Variants in SEMA5A observed in about 807,000 individuals in gnomAD.
SEMA5A encodes semaphorin 5A, also known as semaphorin-5A.
Under a neutral mutation model 135.5 loss-of-function variants are expected in SEMA5A, and 55 were observed. The ratio of observed to expected loss-of-function variants is 0.41; its 90% CI spans 0.33 to 0.51. The LOEUF is 0.51. Ranked by LOEUF, SEMA5A falls within the 20% of genes least tolerant of loss-of-function variation. The probability of loss-of-function intolerance (pLI) is 0.37; values close to 1 mark genes in which losing one functional copy is unlikely to be tolerated. For missense variants in SEMA5A, 1,290 were observed against 1,419.9 expected (o/e 0.91, Z 1.47); for synonymous variants, 580 against 546.5 (o/e 1.06, Z -0.85).
At chr5:9,249,650 T>C (rs1748669841) in intron 5 of SEMA5A, among the ~76,000 whole-genome samples, 2 of 152,176 alleles carry the variant, frequency 1.3e-5, no homozygotes, top group South Asian at 2.1e-4. Flanking sequence ...ATGTAGTTGT[T>C]GATATAAAAG....
intron 8 of SEMA5A, among the ~76,000 whole-genome samples, chr5:9,208,277 C>T (rs1484882512): frequency 6.6e-6 from 1 of 152,180 alleles, no homozygotes; most frequent in East Asian, 1.9e-4. Context: ...TTAAGATCTA[C>T]ACTTATTCCA....
At chr5:9,315,109 A>G (rs1752333749) in intron 5 of SEMA5A, among the ~76,000 whole-genome samples, 1 of 152,114 alleles carries the variant, frequency 6.6e-6, no homozygotes, top group African/African-American at 2.4e-5. Context: ...ACATCTCCTC[A>G]CTTTTTTGCA....
chr5:9,133,130 T>C (rs1405846798), intron 13 of SEMA5A, among the ~76,000 whole-genome samples: 1 of 152,238 alleles, frequency 6.6e-6, no homozygotes, highest in Non-Finnish European at 1.5e-5. Flanking sequence ...ATGATAGATT[T>C]GCCCAATAAA....
intron 3 of SEMA5A, among the ~76,000 whole-genome samples, chr5:9,374,782 T>A (rs1261945196): frequency 6.6e-6 from 1 of 152,110 alleles, no homozygotes; most frequent in Non-Finnish European, 1.5e-5. Flanking sequence ...CAGGAACTCC[T>A]TCCTCTCCCG....
chr5:9,251,713 T>C (rs1433779053), intron 5 of SEMA5A, among the ~76,000 whole-genome samples: 2 of 152,062 alleles, frequency 1.3e-5, no homozygotes, highest in African/African-American at 2.4e-5. Flanking sequence ...AATCAGACAA[T>C]GTGTGACAGT....
Position 9,119,007 on chromosome 5 carries a change from C to T in SEMA5A, c.1916G>A (p.Arg639His), listed in dbSNP as rs1400478141. Residue 639 changes from arginine to histidine, a missense_variant, in exon 15 of 23, where the codon CGC becomes CAC. By Grantham distance (29) the Arg-to-His change is conservative. Coordinates refer to ENST00000382496, the MANE Select transcript of SEMA5A (RefSeq NM_003966.3). ...CAGGGTGGGCACGTACCTTTCCTCG[C>T]GGTTCTGTCCCACGCACACCCGGCC... Reference protein sequence around the residue: ...HGGRVCVGQNREERYCNEHLL... With the variant: ...HGGRVCVGQNHEERYCNEHLL... The T allele has an allele frequency of 4.3e-6, 7 of 1,613,100 alleles. No homozygotes were observed. The highest frequency in any genetic ancestry group is 5.9e-6 in the Non-Finnish European group (7 of 1,179,664).
chr5:9,237,917 G>A, intron 5 of SEMA5A, 27 bp from the exon 6 acceptor site: 3 of 1,608,554 alleles, frequency 1.9e-6, no homozygotes, highest in Non-Finnish European at 2.6e-6. Flanking sequence ...AACAATAGCA[G>A]TCATGGTTTT....
intron 1 of SEMA5A, among the ~76,000 whole-genome samples, chr5:9,507,892 T>C (rs1406032569): frequency 6.6e-6 from 1 of 151,784 alleles, no homozygotes; most frequent in African/African-American, 2.4e-5. Flanking sequence ...TAGTCCCAGC[T>C]ACTCGGGAGG....
intron 12 of SEMA5A, among the ~76,000 whole-genome samples, chr5:9,144,902 G>T (rs1742251456): frequency 6.6e-6 from 1 of 152,162 alleles, no homozygotes; most frequent in African/African-American, 2.4e-5. Context: ...ACATGAAGTT[G>T]TTTGAAGGCA....
intron 5 of SEMA5A, among the ~76,000 whole-genome samples, chr5:9,291,359 G>C (rs940248446): frequency 5.3e-5 from 8 of 152,130 alleles, no homozygotes; most frequent in Non-Finnish European, 1.2e-4. Flanking sequence ...TACCACCTTG[G>C]ATTCTGGAAA....
intron 16 of SEMA5A, among the ~76,000 whole-genome samples, chr5:9,102,291 T>C (rs1278271213): frequency 6.6e-6 from 1 of 152,232 alleles, no homozygotes; most frequent in Non-Finnish European, 1.5e-5. Flanking sequence ...GCAAGGAGGT[T>C]GCTATGCTCT....
At chr5:9,165,540 G>T (rs141178198) in intron 11 of SEMA5A, among the ~76,000 whole-genome samples, 174 of 152,318 alleles carry the variant, frequency 1.1e-3, no homozygotes, top group Non-Finnish European at 2.2e-3. Context: ...TTGTGACAAG[G>T]CTGGAGATTC....
chr5:9,470,601 C>T (rs1433066301), intron 1 of SEMA5A, among the ~76,000 whole-genome samples: 1 of 152,172 alleles, frequency 6.6e-6, no homozygotes, highest in Non-Finnish European at 1.5e-5. Flanking sequence ...TGGCCATAGT[C>T]CCAGGATTTC....
rs1414210086 is a variant in SEMA5A at position 9,313,347 on chromosome 5, T to C, written c.270+5025A>G. Among the ~76,000 whole-genome samples the C allele has an allele frequency of 2.6e-5, 4 of 152,146 alleles. No individual in the cohort carries two copies. In the South Asian group the frequency reaches 6.2e-4, roughly 24 times the overall value. ...GGTGACAGTATGCACATGTGTGTTTTAGGATGTCTCTTCTGAAAGCATTTC... is the reference window on the plus strand; with the variant it reads ...GGTGACAGTATGCACATGTGTGTTTCAGGATGTCTCTTCTGAAAGCATTTC... On this transcript the variant is annotated intron_variant, in intron 5 of 22. Transcript: ENST00000382496.
chr5:9,236,223 G>A (rs945073626), intron 6 of SEMA5A, among the ~76,000 whole-genome samples: 5 of 152,202 alleles, frequency 3.3e-5, no homozygotes, highest in African/African-American at 7.2e-5. Context: ...ACCCCTGGGA[G>A]GCATTGATAT....
intron 1 of SEMA5A, among the ~76,000 whole-genome samples, chr5:9,499,364 A>G (rs1235997603): frequency 6.6e-6 from 1 of 152,230 alleles, no homozygotes; most frequent in Non-Finnish European, 1.5e-5. Flanking sequence ...AGAAAAAAGC[A>G]GAGAATGGAT....
At chr5:9,201,460 A>G (rs1745699062) in intron 9 of SEMA5A, among the ~76,000 whole-genome samples, 2 of 152,244 alleles carry the variant, frequency 1.3e-5, no homozygotes, top group African/African-American at 4.8e-5. Flanking sequence ...TCAAGTAAGC[A>G]ATCTTCTAGA....
At chr5:9,172,725 C>A (rs3797932) in intron 11 of SEMA5A, among the ~76,000 whole-genome samples, 1 of 151,950 alleles carries the variant, frequency 6.6e-6, no homozygotes, top group East Asian at 1.9e-4. Flanking sequence ...GACAATAATG[C>A]TCAATATTTT....
In SEMA5A at chr5:9,286,108, T is replaced by C. The variant is rs919601879; in HGVS notation, c.270+32264A>G. Reference sequence around the variant, plus strand: ...CAAACTGCACTAAGTGATATTTATATCTTTGTATAACGCTGCAGAATGCTA... The same window carrying C: ...CAAACTGCACTAAGTGATATTTATACCTTTGTATAACGCTGCAGAATGCTA... On this transcript the variant is annotated intron_variant, in intron 5 of 22. Transcript: ENST00000382496. Among the ~76,000 whole-genome samples the C allele has an allele frequency of 3.9e-5, 6 of 152,212 alleles. 1 individual carries two copies. Among genetic ancestry groups the C allele is most frequent in the African/African-American group, 1.4e-4 (6 of 41,458 alleles).
Sources: allele counts gnomAD v4.1 joint callset (sites outside exome capture counted in the v4.1 genomes callset), GRCh38; gene constraint gnomAD v4.1.1; transcripts MANE v1.5; gene names NCBI Gene and HGNC (gene_info 2026-07-23, HGNC 2026-07-21).